Variants in TFDP2 observed in about 807,000 individuals in gnomAD.
TFDP2 encodes transcription factor Dp-2.
Under a neutral mutation model 59.3 loss-of-function variants are expected in TFDP2, and 17 were observed. The observed-to-expected ratio is 0.29, with a 90% CI of 0.20 to 0.43. The LOEUF is 0.43. Among genes scored for constraint, TFDP2 ranks in the 20% least tolerant of loss-of-function variants. The probability of loss-of-function intolerance (pLI) is 1.00; values close to 1 mark genes in which losing one functional copy is unlikely to be tolerated. For synonymous variants in TFDP2, 180 were observed against 194.7 expected (o/e 0.92, Z 0.63); for missense variants, 391 against 528.8 (o/e 0.74, Z 2.56).
At position 142,042,620 on chromosome 3, in the gene TFDP2, CTTTTCTTTTCTT is replaced by C. The variant is rs1172242068; in HGVS notation, c.83-37088_83-37077del. On this transcript the variant is annotated intron_variant, in intron 3 of 12. Transcript: ENST00000489671. The stretch of plus-strand genomic sequence containing the variant: ...GCCAGTGTTTCTTTTTCTTTCTTTT[CTTTTCTTTTCTT>C]TTTTTTTTTTTTTTTTTTACCATTT... Among the ~76,000 whole-genome samples, 142 of 82,196 alleles carry C rather than the reference CTTTTCTTTTCTT, an allele frequency of 1.7e-3. 1 individual carries two copies. Among genetic ancestry groups the C allele is most frequent in the Middle Eastern group, 7.6e-3 (1 of 132 alleles). 53.9% of individuals were successfully genotyped at this position (82,196 alleles called of 152,430 possible). A position where few individuals can be genotyped will look rare whatever the true frequency, so the allele number is the denominator to read the frequency against.
intron 3 of TFDP2, among the ~76,000 whole-genome samples, chr3:142,056,463 A>C (rs1290265853): frequency 1.3e-5 from 2 of 150,374 alleles, no homozygotes; most frequent in Admixed American, 6.6e-5. Flanking sequence ...AGACAAACTA[A>C]ACCCAGAAAG....
intron 1 of TFDP2, among the ~76,000 whole-genome samples, chr3:142,118,716 A>G (rs1006409856): frequency 1.3e-5 from 2 of 152,202 alleles, no homozygotes; most frequent in South Asian, 2.1e-4. Context: ...AAGACACTGA[A>G]CAAAGAGCAA....
chr3:141,973,093 GTATATATA>G (rs1553761666), intron 8 of TFDP2, among the ~76,000 whole-genome samples: 3,279 of 103,168 alleles, frequency 0.032, 91 homozygotes, highest in African/African-American at 0.036. Flanking sequence ...AAAGCTATGT[GTATATATA>G]TATATATATA....
chr3:142,036,270 T>C (rs533868504), intron 3 of TFDP2, among the ~76,000 whole-genome samples: 2 of 152,202 alleles, frequency 1.3e-5, no homozygotes, highest in Non-Finnish European at 2.9e-5. Flanking sequence ...GCATGACTTA[T>C]TTACCATTCC....
At chr3:142,129,550 A>G (rs1439356495) in intron 1 of TFDP2, among the ~76,000 whole-genome samples, 1 of 152,156 alleles carries the variant, frequency 6.6e-6, no homozygotes, top group Non-Finnish European at 1.5e-5. Context: ...TGCAAATCAT[A>G]TATTTGATAA....
chr3:142,007,273 C>G (rs1428660003), intron 3 of TFDP2, among the ~76,000 whole-genome samples: 1 of 152,192 alleles, frequency 6.6e-6, no homozygotes, highest in East Asian at 1.9e-4. Context: ...TGTACCCACT[C>G]AGCAAGTCCT....
At chr3:142,101,891 A>G (rs1008353966) in intron 1 of TFDP2, 50 bp from the exon 2 acceptor site, 2 of 465,366 alleles carry the variant, frequency 4.3e-6, no homozygotes, top group African/African-American at 1.9e-5. Context: ...ATAATAGGCA[A>G]CATTTATGTC....
chr3:142,083,340 T>A (rs2060704974), intron 3 of TFDP2, among the ~76,000 whole-genome samples: 1 of 151,972 alleles, frequency 6.6e-6, no homozygotes, highest in African/African-American at 2.4e-5. Flanking sequence ...AAAATACTGA[T>A]GAAAGAAATT....
At chr3:141,978,921 T>C (rs571248359) in intron 6 of TFDP2, among the ~76,000 whole-genome samples, 1 of 152,366 alleles carries the variant, frequency 6.6e-6, no homozygotes, top group East Asian at 1.9e-4. Context: ...CAAATATTTA[T>C]TGACCAGTTA....
intron 3 of TFDP2, among the ~76,000 whole-genome samples, chr3:142,075,978 A>C (rs2060439978): frequency 6.7e-6 from 1 of 150,266 alleles, no homozygotes; most frequent in Non-Finnish European, 1.5e-5. Flanking sequence ...CAGGAGGCTG[A>C]GGCGGGCGGA....
At chr3:141,974,907 CTTTTTTTTTTT>C (rs753702830) in intron 7 of TFDP2, among the ~76,000 whole-genome samples, 2 of 90,500 alleles carry the variant, frequency 2.2e-5, no homozygotes, top group South Asian at 4.2e-4. Context: ...TCTTCTTCTT[CTTTTTTTTTTT>C]TTTTTTTTTT....
chr3:141,991,388 C>T lies in TFDP2; in HGVS notation c.356+2150G>A, dbSNP rs867817591. 5.8e-4 allele frequency among the ~76,000 whole-genome samples: 88 copies of T among 152,134 alleles called. 1 individual carries two copies. Among genetic ancestry groups the T allele is most frequent in the Admixed American group, 2.1e-3 (32 of 15,276 alleles). ...CACTTCTTGTTAAAAAGAGAGTCAA[C>T]CAGAACATTTAAATCAACAAAATAT... On this transcript the variant is annotated intron_variant, in intron 6 of 12. Coordinates refer to ENST00000489671, the MANE Select transcript of TFDP2 (RefSeq NM_001178139.2).
At chr3:142,102,038 A>C (rs993877984) in intron 1 of TFDP2, among the ~76,000 whole-genome samples, 197 bp from the exon 2 acceptor site, 2 of 152,212 alleles carry the variant, frequency 1.3e-5, no homozygotes. Context: ...AACTAATTTG[A>C]CCATGTCAAC....
chr3:141,974,028 A>G lies in TFDP2; in HGVS notation c.663+20T>C. 2 of 1,605,038 alleles carry G rather than the reference A, an allele frequency of 1.2e-6. No homozygotes were observed. Among genetic ancestry groups the G allele is most frequent in the Non-Finnish European group, 1.7e-6 (2 of 1,177,522 alleles). ...TAAAATAATGCAAACAGCTATTCATAAACAGATTTTCTCACTTACCTCCAG... is the reference window on the plus strand; with the variant it reads ...TAAAATAATGCAAACAGCTATTCATGAACAGATTTTCTCACTTACCTCCAG... On this transcript the variant is annotated intron_variant, in intron 8 of 12. Coordinates refer to ENST00000489671, the MANE Select transcript of TFDP2 (RefSeq NM_001178139.2).
At chr3:141,968,454 T>A (rs1277967279) in intron 9 of TFDP2, among the ~76,000 whole-genome samples, 8 of 88,482 alleles carry the variant, frequency 9.0e-5, no homozygotes, top group African/African-American at 4.0e-4. Context: ...CATATATATC[T>A]CATATATAGA....
At chr3:142,000,247 C>T (rs1254340767) in intron 4 of TFDP2, 2 of 701,674 alleles carry the variant, frequency 2.9e-6, no homozygotes, top group Non-Finnish European at 5.2e-6. Context: ...AAATTTATTG[C>T]TCACTGTTCT....
intron 3 of TFDP2, among the ~76,000 whole-genome samples, chr3:142,077,110 G>A (rs1386461294): frequency 6.6e-6 from 1 of 152,176 alleles, no homozygotes; most frequent in African/African-American, 2.4e-5. Flanking sequence ...GCAGAACTCA[G>A]CTGATACCCA....
At chr3:141,958,121 T>A (rs1303737115) in intron 11 of TFDP2, among the ~76,000 whole-genome samples, 1 of 152,194 alleles carries the variant, frequency 6.6e-6, no homozygotes, top group Non-Finnish European at 1.5e-5. Context: ...AAGCTGAAGA[T>A]GTACCCAACT....
intron 3 of TFDP2, among the ~76,000 whole-genome samples, chr3:142,087,213 A>G (rs1485407826): frequency 6.6e-6 from 1 of 152,194 alleles, no homozygotes; most frequent in Non-Finnish European, 1.5e-5. Flanking sequence ...TCAACTGGCA[A>G]TGGGGATAAG....
Sources: gnomAD v4.1 joint callset for allele counts (sites outside exome capture counted in the v4.1 genomes callset) on GRCh38, gnomAD v4.1.1 for gene constraint, MANE v1.5 for transcripts, NCBI Gene and HGNC (gene_info 2026-07-23, HGNC 2026-07-21) for gene names.